KIF6: variants seen among roughly 807,000 people sequenced by gnomAD.
KIF6 encodes the protein kinesin-like protein KIF6.
KIF6 carries 106 observed loss-of-function variants against 112.7 expected under a neutral mutation model. The ratio of observed to expected loss-of-function variants is 0.94; its 90% CI spans 0.80 to 1.11. KIF6 has a LOEUF of 1.11. KIF6 is among the 50% of genes least tolerant of loss of function. The pLI, the probability that KIF6 is intolerant of heterozygous loss-of-function variation, is 0.00. For missense variants in KIF6, 929 were observed against 964.0 expected, an observed-to-expected ratio of 0.96 and a Z score of 0.48; for synonymous variants, 339 against 339.9, an observed-to-expected ratio of 1.00 and a Z score of 0.03.
chr6:39,396,920 G>A (rs979381297), intron 15 of KIF6, among the ~76,000 whole-genome samples: 2 of 152,172 alleles, frequency 1.3e-5, no homozygotes, highest in African/African-American at 4.8e-5. Flanking sequence ...AAATATGGCA[G>A]GACATCTGTA....
At chr6:39,589,896 G>A (rs188927970) in intron 7 of KIF6, among the ~76,000 whole-genome samples, 1 of 152,274 alleles carries the variant, frequency 6.6e-6, no homozygotes, top group African/African-American at 2.4e-5. Context: ...AATAGCTAGA[G>A]CAGATTTTCC....
At chr6:39,627,419 C>T (rs1784148187) in intron 5 of KIF6, among the ~76,000 whole-genome samples, 1 of 152,134 alleles carries the variant, frequency 6.6e-6, no homozygotes, top group African/African-American at 2.4e-5. Flanking sequence ...TCCAGGGAAA[C>T]AGGGACTACG....
At chr6:39,346,085 T>TCTCCCTCTC (rs1212794740) in intron 20 of KIF6, among the ~76,000 whole-genome samples, 1 of 21,598 alleles carries the variant, frequency 4.6e-5, no homozygotes, top group Non-Finnish European at 8.0e-5. Context: ...TCTCTCTCTC[T>TCTCCCTCTC]CCCCCCCCTC....
Position 39,619,142 on chromosome 6 carries a change from A to T in KIF6, c.510-5824T>A, listed in dbSNP as rs188136531. ...AACTTTTATAAAAGTGAAAACACTAACAAATAAAATACTTTATCAGAAGAA... is the reference window on the plus strand; with the variant it reads ...AACTTTTATAAAAGTGAAAACACTATCAAATAAAATACTTTATCAGAAGAA... On this transcript the variant is annotated intron_variant, in intron 5 of 22. Coordinates refer to ENST00000287152, the MANE Select transcript of KIF6 (RefSeq NM_145027.6). 1.2e-4 allele frequency among the ~76,000 whole-genome samples: 19 copies of T among 152,338 alleles called. No individual in the cohort carries two copies. In the East Asian group the frequency reaches 3.7e-3, roughly 29 times the overall value.
intron 7 of KIF6, among the ~76,000 whole-genome samples, chr6:39,591,218 G>A (rs1213716571): frequency 6.6e-6 from 1 of 152,190 alleles, no homozygotes; most frequent in African/African-American, 2.4e-5. Context: ...TCCTGGCCGA[G>A]CTTCTCATTG....
intron 13 of KIF6, among the ~76,000 whole-genome samples, chr6:39,491,323 A>C (rs188262028): frequency 6.6e-6 from 1 of 152,156 alleles, no homozygotes; most frequent in African/African-American, 2.4e-5. Context: ...GTGTGAAGAG[A>C]GATAACAGAC....
Position 39,339,968 on chromosome 6 carries a change from C to T in KIF6, c.2429-3420G>A, listed in dbSNP as rs958798793. ...CAGCGCTGTGAGCTAAATTAAGATT[C>T]GAGAGCCCAGGCAGGGAGAGGGAGG... On this transcript the variant is annotated intron_variant, in intron 22 of 22. Coordinates refer to ENST00000287152, the MANE Select transcript of KIF6 (RefSeq NM_145027.6). Among the ~76,000 whole-genome samples, 5 of 152,256 alleles carry T rather than the reference C, an allele frequency of 3.3e-5. No individual in the cohort carries two copies. The South Asian group carries it at 1.0e-3, about 32-fold the overall frequency.
intron 15 of KIF6, among the ~76,000 whole-genome samples, chr6:39,388,460 T>C (rs1019320127): frequency 6.6e-6 from 1 of 152,144 alleles, no homozygotes; most frequent in African/African-American, 2.4e-5. Flanking sequence ...TACATATTGA[T>C]AAAGGTTGTT....
intron 12 of KIF6, among the ~76,000 whole-genome samples, chr6:39,541,539 G>A (rs1778787507): frequency 6.6e-6 from 1 of 152,168 alleles, no homozygotes; most frequent in Admixed American, 6.5e-5. Context: ...ATATTTGTTG[G>A]AGCTTGTGCT....
chr6:39,454,045 A>G (rs1337077985), intron 13 of KIF6, among the ~76,000 whole-genome samples: 2 of 152,254 alleles, frequency 1.3e-5, no homozygotes, highest in African/African-American at 4.8e-5. Flanking sequence ...TGTTAAATAC[A>G]GTAGATATTT....
rs149430871 is a variant in KIF6, at chr6:39,537,970, G to T, written c.1645+2033C>A. On this transcript the variant is annotated intron_variant, in intron 13 of 22. Transcript: ENST00000287152. The stretch of plus-strand genomic sequence containing the variant: ...TGAGAAAAATAAGCAATGGGGAAAG[G>T]ATTCCCTATTTAACAAATGGTGCTG... Among the ~76,000 whole-genome samples the T allele has an allele frequency of 1.5e-3, 221 of 152,320 alleles. 1 individual carries two copies. Among genetic ancestry groups the T allele is most frequent in the Non-Finnish European group, 2.7e-3 (181 of 68,034 alleles).
At chr6:39,433,687 A>T (rs559832838) in intron 13 of KIF6, among the ~76,000 whole-genome samples, 1 of 152,222 alleles carries the variant, frequency 6.6e-6, no homozygotes, top group African/African-American at 2.4e-5. Context: ...AGGGAGGCCA[A>T]GGTGAGGTGG....
intron 15 of KIF6, among the ~76,000 whole-genome samples, chr6:39,415,301 T>TAAAAAAAAA (rs5875672): frequency 1.2e-4 from 11 of 89,430 alleles, no homozygotes; most frequent in East Asian, 7.3e-4. Context: ...TTTTAAAATG[T>TAAAAAAAAA]AAAAAAAAAA....
intron 19 of KIF6, among the ~76,000 whole-genome samples, chr6:39,351,365 C>T (rs1581645988): frequency 6.6e-6 from 1 of 151,250 alleles, no homozygotes; most frequent in African/African-American, 2.4e-5. Flanking sequence ...TGAGTAGCTG[C>T]GACTACAGGC....
At position 39,357,879 on chromosome 6, in the gene KIF6, A is replaced by C. The variant is rs559913295; in HGVS notation, c.2083-505T>G. Reference sequence around the variant, plus strand: ...AACATATTGTCTAGGGATGGTAAAGAATTATGGGTAATGTTTAATTTATTC... The same window carrying C: ...AACATATTGTCTAGGGATGGTAAAGCATTATGGGTAATGTTTAATTTATTC... On this transcript the variant is annotated intron_variant, in intron 18 of 22. Coordinates refer to ENST00000287152, the MANE Select transcript of KIF6 (RefSeq NM_145027.6). Among the ~76,000 whole-genome samples the C allele has an allele frequency of 4.5e-3, 692 of 152,330 alleles. 4 individuals carry two copies. Among genetic ancestry groups the C allele is most frequent in the African/African-American group, 0.015 (609 of 41,580 alleles).
At chr6:39,445,706 T>A (rs1478699118) in intron 13 of KIF6, among the ~76,000 whole-genome samples, 1 of 152,198 alleles carries the variant, frequency 6.6e-6, no homozygotes, top group Non-Finnish European at 1.5e-5. Flanking sequence ...TCAGGGAATG[T>A]TCCTCCTGAG....
intron 4 of KIF6, among the ~76,000 whole-genome samples, chr6:39,638,101 T>C (rs560849718): frequency 6.6e-6 from 1 of 152,090 alleles, no homozygotes; most frequent in Non-Finnish European, 1.5e-5. Flanking sequence ...TTTGAGAGTT[T>C]CAAGGGTTCT....
At chr6:39,466,712 T>C (rs1245797209) in intron 13 of KIF6, among the ~76,000 whole-genome samples, 1 of 152,106 alleles carries the variant, frequency 6.6e-6, no homozygotes, top group Non-Finnish European at 1.5e-5. Context: ...CCACCCACAT[T>C]TCTCATGACC....
intron 13 of KIF6, among the ~76,000 whole-genome samples, chr6:39,535,470 C>T (rs1778364181): frequency 6.6e-6 from 1 of 152,030 alleles, no homozygotes; most frequent in South Asian, 2.1e-4. Flanking sequence ...CAAAGAAGGC[C>T]ATTACATAAT....
Sources: gnomAD v4.1 joint callset for allele counts (sites outside exome capture counted in the v4.1 genomes callset) on GRCh38, gnomAD v4.1.1 for gene constraint, MANE v1.5 for transcripts, NCBI Gene and HGNC (gene_info 2026-07-23, HGNC 2026-07-21) for gene names.